ARHGAP10: variants seen among roughly 807,000 people sequenced by gnomAD.
The protein encoded by ARHGAP10 is rho GTPase-activating protein 10.
Under a neutral mutation model 108.6 loss-of-function variants are expected in ARHGAP10, and 87 were observed. That is an observed-to-expected ratio of 0.80 (90% CI 0.67 to 0.96). The LOEUF is 0.96. ARHGAP10 is among the 40% of genes least tolerant of loss of function. The probability of loss-of-function intolerance (pLI) is 0.00; values close to 1 mark genes in which losing one functional copy is unlikely to be tolerated. For synonymous variants in ARHGAP10, 347 were observed against 341.1 expected, an observed-to-expected ratio of 1.02 and a Z score of -0.19; for missense variants, 939 against 954.5, an observed-to-expected ratio of 0.98 and a Z score of 0.21.
chr4:147,879,457 G>T, intron 9 of ARHGAP10, 119 bp downstream of exon 9: 1 of 851,480 alleles, frequency 1.2e-6, no homozygotes, highest in Non-Finnish European at 1.7e-6. Flanking sequence ...TAAATTGTTA[G>T]TATTAAAATC....
rs186901928 is a variant in ARHGAP10, at chr4:147,887,016, C to T, written c.1034+5084C>T. ...AAGAGATCCACCTGCCTCGGCCTCC[C>T]AAAGTGCTGGGATTACAGGCGCGAG... is the stretch of plus-strand genomic sequence containing the variant. On this transcript the variant is annotated intron_variant, in intron 10 of 22. Coordinates refer to ENST00000336498, the MANE Select transcript of ARHGAP10 (RefSeq NM_024605.4). Among the ~76,000 whole-genome samples the T allele has an allele frequency of 5.9e-5, 9 of 152,272 alleles. No individual in the cohort carries two copies. In the East Asian group the frequency reaches 1.7e-3, roughly 29 times the overall value.
intron 1 of ARHGAP10, among the ~76,000 whole-genome samples, chr4:147,783,218 A>G (rs1010053642): frequency 1.4e-5 from 2 of 144,796 alleles, no homozygotes; most frequent in African/African-American, 2.5e-5. Context: ...ACATTAAATT[A>G]TGTATTGTAT....
intron 3 of ARHGAP10, among the ~76,000 whole-genome samples, chr4:147,833,907 CAGAT>C (rs1219828306): frequency 1.3e-5 from 2 of 152,294 alleles, no homozygotes; most frequent in Non-Finnish European, 1.5e-5. Flanking sequence ...GGGCACCTCT[CAGAT>C]AGAGGAAGGA....
At chr4:147,834,273 A>T (rs189763196) in intron 3 of ARHGAP10, among the ~76,000 whole-genome samples, 4 of 152,144 alleles carry the variant, frequency 2.6e-5, no homozygotes, top group Admixed American at 2.0e-4. Flanking sequence ...GTTCAAAACC[A>T]GTCTGGGCAA....
intron 10 of ARHGAP10, 104 bp from the exon 11 acceptor site, chr4:147,906,534 C>A: frequency 9.7e-7 from 1 of 1,028,644 alleles, no homozygotes. Flanking sequence ...TGTATTTTAC[C>A]ACAGATAAAA....
At chr4:147,785,724 T>G (rs1730865313) in intron 1 of ARHGAP10, among the ~76,000 whole-genome samples, 1 of 152,184 alleles carries the variant, frequency 6.6e-6, no homozygotes, top group Non-Finnish European at 1.5e-5. Context: ...TCTGTCATTG[T>G]TAGCTGTGAC....
chr4:147,946,608 G>C lies in ARHGAP10; in HGVS notation c.1304-9G>C. 6.2e-7 allele frequency: 1 copy of C among 1,609,100 alleles called. No homozygotes were observed. The highest frequency in any genetic ancestry group is 8.5e-7 in the Non-Finnish European group (1 of 1,178,038). Reference sequence around the variant, plus strand: ...TTAATTATTTTTTTCTTGTTTGCTTGCTCACTAGATGTAAAAACATGCAAT... The same window carrying C: ...TTAATTATTTTTTTCTTGTTTGCTTCCTCACTAGATGTAAAAACATGCAAT... On this transcript the variant is annotated splice_polypyrimidine_tract_variant and intron_variant, in intron 14 of 22. Coordinates refer to ENST00000336498, the MANE Select transcript of ARHGAP10 (RefSeq NM_024605.4).
chr4:148,033,649 T>C (rs956184409), intron 19 of ARHGAP10, among the ~76,000 whole-genome samples: 1 of 152,200 alleles, frequency 6.6e-6, no homozygotes, highest in African/African-American at 2.4e-5. Flanking sequence ...AGTTTACAAA[T>C]GTTTCAGCTT....
At chr4:147,910,537 G>A (rs985579526) in intron 12 of ARHGAP10, among the ~76,000 whole-genome samples, 2 of 152,074 alleles carry the variant, frequency 1.3e-5, no homozygotes, top group African/African-American at 4.8e-5. Context: ...TTTGACTACA[G>A]GCTATACAGA....
chr4:147,908,986 G>A (rs1207877999), intron 11 of ARHGAP10, among the ~76,000 whole-genome samples: 1 of 152,112 alleles, frequency 6.6e-6, no homozygotes, highest in Admixed American at 6.5e-5. Context: ...CCTGAAGTTA[G>A]TGTTGGATCC....
intron 1 of ARHGAP10, among the ~76,000 whole-genome samples, chr4:147,743,302 A>T (rs1728770238): frequency 6.6e-6 from 1 of 152,042 alleles, no homozygotes; most frequent in Admixed American, 6.6e-5. Context: ...AAGTGCTGAG[A>T]TTACAGGTGT....
chr4:147,969,229 C>G (rs898937158), intron 18 of ARHGAP10, among the ~76,000 whole-genome samples: 2 of 151,234 alleles, frequency 1.3e-5, no homozygotes, highest in Non-Finnish European at 2.9e-5. Flanking sequence ...ATGTTGGGTT[C>G]TCATGGAAAA....
intron 13 of ARHGAP10, among the ~76,000 whole-genome samples, chr4:147,930,210 C>G (rs534856808): frequency 6.6e-6 from 1 of 152,140 alleles, no homozygotes; most frequent in Non-Finnish European, 1.5e-5. Flanking sequence ...TAGAATCATA[C>G]GGCTGCAAAA....
intron 18 of ARHGAP10, among the ~76,000 whole-genome samples, chr4:148,003,023 A>T (rs151245401): frequency 0.53 from 80,068 of 151,784 alleles, 24,657 homozygotes; most frequent in Non-Finnish European, 0.68. Context: ...TTAATTTTAG[A>T]TCTTTCCTGC....
At chr4:148,059,148 G>C (rs1472198977) in intron 20 of ARHGAP10, among the ~76,000 whole-genome samples, 1 of 152,228 alleles carries the variant, frequency 6.6e-6, no homozygotes, top group Non-Finnish European at 1.5e-5. Context: ...CTTCCGTGCT[G>C]AAGATAGAGA....
chr4:148,032,144 T>G (rs1728174751), intron 19 of ARHGAP10, among the ~76,000 whole-genome samples: 1 of 152,044 alleles, frequency 6.6e-6, no homozygotes, highest in Non-Finnish European at 1.5e-5. Flanking sequence ...ATAAATAATA[T>G]ATTACCATAT....
At chr4:147,934,317 C>G (rs1737837254) in intron 13 of ARHGAP10, among the ~76,000 whole-genome samples, 1 of 152,182 alleles carries the variant, frequency 6.6e-6, no homozygotes. Context: ...TCTGCACTCT[C>G]AAAGTGACCC....
rs115779628 is a variant in ARHGAP10 at position 147,817,388 on chromosome 4, T to C, written c.155-5339T>C. On this transcript the variant is annotated intron_variant, in intron 1 of 22. Transcript: ENST00000336498. ...CCCCCCAGCAGAGTGTCTGTTTGTC[T>C]AATATCTCATGGTCTTAACTAAAAA... is the stretch of plus-strand genomic sequence containing the variant. Among the ~76,000 whole-genome samples the C allele has an allele frequency of 3.2e-3, 485 of 152,300 alleles. 2 individuals carry two copies. The highest frequency in any genetic ancestry group is 0.011 in the African/African-American group (466 of 41,574).
At chr4:147,808,392 A>T (rs1192705414) in intron 1 of ARHGAP10, among the ~76,000 whole-genome samples, 3 of 151,906 alleles carry the variant, frequency 2.0e-5, no homozygotes, top group African/African-American at 7.3e-5. Flanking sequence ...TTAGGGGTTG[A>T]TGAGGCTGCA....
Sources: gnomAD v4.1 joint callset for allele counts (sites outside exome capture counted in the v4.1 genomes callset) on GRCh38, gnomAD v4.1.1 for gene constraint, MANE v1.5 for transcripts, NCBI Gene and HGNC (gene_info 2026-07-23, HGNC 2026-07-21) for gene names.